The following ADIPOR2 variants were observed in gnomAD, a reference collection of about 807,000 sequenced individuals.
The protein encoded by ADIPOR2 is adiponectin receptor protein 2.
A neutral mutation model predicts 40.9 loss-of-function variants in ADIPOR2; 18 were observed. The ratio of observed to expected loss-of-function variants is 0.44; its 90% CI spans 0.30 to 0.65. The LOEUF (loss-of-function observed/expected upper bound fraction) is 0.65. Among genes scored for constraint, ADIPOR2 ranks in the 30% least tolerant of loss-of-function variants. The pLI is 0.09. For synonymous variants in ADIPOR2, 165 were observed against 166.4 expected, an observed-to-expected ratio of 0.99 and a Z score of 0.06; for missense variants, 283 against 479.2, an observed-to-expected ratio of 0.59 and a Z score of 3.82.
chr12:1,737,343 TTG>T (rs1480604029), intron 1 of ADIPOR2, among the ~76,000 whole-genome samples: 1 of 136,876 alleles, frequency 7.3e-6, no homozygotes, highest in Non-Finnish European at 1.6e-5. Context: ...TTTTTTGTTG[TTG>T]TTTTTTTTCT....
chr12:1,733,926 A>G (rs1207286676), intron 1 of ADIPOR2, among the ~76,000 whole-genome samples: 1 of 152,180 alleles, frequency 6.6e-6, no homozygotes, highest in African/African-American at 2.4e-5. Context: ...TGTCCCTACA[A>G]AGGACATGAA....
intron 1 of ADIPOR2, among the ~76,000 whole-genome samples, chr12:1,691,617 G>A (rs953337563): frequency 6.6e-6 from 1 of 152,224 alleles, no homozygotes; most frequent in Admixed American, 6.5e-5. Context: ...GTTTGGTGGA[G>A]GCTTGGGATG....
intron 4 of ADIPOR2, among the ~76,000 whole-genome samples, chr12:1,779,508 G>GT (rs1452768311): frequency 6.6e-6 from 1 of 152,102 alleles, no homozygotes; most frequent in African/African-American, 2.4e-5. Flanking sequence ...GTTTAGGGCT[G>GT]TAAGGAGTGG....
intron 1 of ADIPOR2, among the ~76,000 whole-genome samples, chr12:1,729,410 A>G (rs2094714899): frequency 6.6e-6 from 1 of 151,894 alleles, no homozygotes; most frequent in Admixed American, 6.6e-5. Flanking sequence ...AATGATAGCC[A>G]TAGGAAGGGA....
chr12:1,710,594 C>T (rs1356899647), intron 1 of ADIPOR2, among the ~76,000 whole-genome samples: 3 of 152,002 alleles, frequency 2.0e-5, no homozygotes, highest in East Asian at 1.9e-4. Flanking sequence ...TGGGAAAGGG[C>T]TCTCTAACAA....
intron 1 of ADIPOR2, among the ~76,000 whole-genome samples, chr12:1,720,820 C>A (rs2094696440): frequency 6.6e-6 from 1 of 152,136 alleles, no homozygotes; most frequent in African/African-American, 2.4e-5. Context: ...GCCCTCAATC[C>A]CTAAACTAAA....
At chr12:1,762,424 T>G (rs1039079624) in intron 2 of ADIPOR2, among the ~76,000 whole-genome samples, 1 of 152,186 alleles carries the variant, frequency 6.6e-6, no homozygotes, top group Non-Finnish European at 1.5e-5. Flanking sequence ...TCCTCTGATA[T>G]CCTCAGAGTC....
intron 1 of ADIPOR2, among the ~76,000 whole-genome samples, chr12:1,737,966 TG>T (rs939875500): frequency 4.6e-5 from 7 of 152,274 alleles, no homozygotes; most frequent in African/African-American, 1.7e-4. Context: ...TTTTGATAAT[TG>T]GTTCTTTTCT....
intron 2 of ADIPOR2, among the ~76,000 whole-genome samples, chr12:1,762,804 A>G (rs1425709793): frequency 6.6e-6 from 1 of 152,180 alleles, no homozygotes; most frequent in African/African-American, 2.4e-5. Context: ...ATGTATGTGT[A>G]TTGTACACTG....
At chr12:1,695,841 CTCTT>C (rs2094637643) in intron 1 of ADIPOR2, 2 of 151,564 alleles carry the variant, frequency 1.3e-5, no homozygotes, top group South Asian at 2.1e-4. Flanking sequence ...TACTTTTTCT[CTCTT>C]TTTATTTTTC....
chr12:1,725,874 TG>T (rs139921665), intron 1 of ADIPOR2, among the ~76,000 whole-genome samples: 1,796 of 152,298 alleles, frequency 0.012, 42 homozygotes, highest in African/African-American at 0.041. Context: ...CCCTAGAGAA[TG>T]TGATGTTTAT....
chr12:1,754,292 A>G lies in ADIPOR2; in HGVS notation c.-52A>G, dbSNP rs1250932067. 3 of 1,489,204 alleles carry G rather than the reference A, an allele frequency of 2.0e-6. No individual in the cohort carries two copies. The highest frequency in any genetic ancestry group is 2.7e-6 in the Non-Finnish European group (3 of 1,117,518). The allele number at this position is 1,489,204 out of a possible 1,614,324, so 92.2% of individuals were successfully genotyped here. A position where few individuals can be genotyped will look rare whatever the true frequency, so the allele number is the denominator to read the frequency against. The stretch of plus-strand genomic sequence containing the variant: ...ACTATCCTGAAGGTCCATTCTCCCA[A>G]GAAGAGGGGACAGAAAGACAGATCT... On this transcript the variant is annotated 5_prime_UTR_variant, in exon 2 of 8. Coordinates refer to ENST00000357103, the MANE Select transcript of ADIPOR2 (RefSeq NM_024551.3).
At chr12:1,726,939 T>G (rs1057429397) in intron 1 of ADIPOR2, among the ~76,000 whole-genome samples, 1 of 152,218 alleles carries the variant, frequency 6.6e-6, no homozygotes, top group Non-Finnish European at 1.5e-5. Context: ...GGAAAAACCC[T>G]GAGTCGTCAT....
At chr12:1,701,373 G>T (rs181608463) in intron 1 of ADIPOR2, among the ~76,000 whole-genome samples, 10 of 151,850 alleles carry the variant, frequency 6.6e-5, no homozygotes, top group African/African-American at 2.2e-4. Context: ...CATCCACCTC[G>T]GCCTCCCAAA....
chr12:1,736,511 T>C (rs1329175204), intron 1 of ADIPOR2, among the ~76,000 whole-genome samples: 1 of 152,240 alleles, frequency 6.6e-6, no homozygotes, highest in South Asian at 2.1e-4. Context: ...TTTTCTTCTT[T>C]ATTAGTCTTG....
At chr12:1,757,790 C>T (rs1862172528) in intron 2 of ADIPOR2, 3 of 932,652 alleles carry the variant, frequency 3.2e-6, no homozygotes. Context: ...TGAGTTCGGA[C>T]CTTGCCATCG....
intron 4 of ADIPOR2, chr12:1,780,212 C>T: frequency 2.7e-6 from 1 of 370,944 alleles, no homozygotes; most frequent in Non-Finnish European, 4.7e-6. Flanking sequence ...TAGATTATGC[C>T]CTTAGATAAG....
intron 3 of ADIPOR2, 70 bp from the exon 4 acceptor site, chr12:1,777,784 T>C: frequency 7.0e-7 from 1 of 1,425,790 alleles, no homozygotes; most frequent in Non-Finnish European, 9.6e-7. Context: ...TAAGACACAG[T>C]TGTTAGGGGT....
At chr12:1,705,631 T>A (rs2094660646) in intron 1 of ADIPOR2, among the ~76,000 whole-genome samples, 1 of 152,204 alleles carries the variant, frequency 6.6e-6, no homozygotes, top group South Asian at 2.1e-4. Flanking sequence ...CTGAAAAAAT[T>A]CCAAATCCAA....
Sources: gnomAD v4.1 joint callset for allele counts (sites outside exome capture counted in the v4.1 genomes callset) on GRCh38, gnomAD v4.1.1 for gene constraint, MANE v1.5 for transcripts, NCBI Gene and HGNC (gene_info 2026-07-23, HGNC 2026-07-21) for gene names.